Variants in IKBKG observed in about 807,000 individuals in gnomAD.
IKBKG encodes the protein NF-kappa-B essential modulator.
A neutral mutation model predicts 13.7 loss-of-function variants in IKBKG; 2 were observed. The observed-to-expected ratio is 0.15, with a 90% CI of 0.06 to 0.46. IKBKG has a LOEUF of 0.46. Among genes scored for constraint, IKBKG ranks in the 20% least tolerant of loss-of-function variants. The pLI is 0.98. For missense variants in IKBKG, 53 were observed against 150.3 expected, an observed-to-expected ratio of 0.35 and a Z score of 3.39; for synonymous variants, 22 against 64.4, an observed-to-expected ratio of 0.34 and a Z score of 3.15.
chrX:154,548,913 G>A (rs1013348330), intron 1 of IKBKG, among the ~76,000 whole-genome samples: 1 of 110,059 alleles, frequency 9.1e-6, no homozygotes, highest in African/African-American at 3.3e-5. Context: ...ACAATTGAAG[G>A]TATCAACTTC....
intron 1 of IKBKG, among the ~76,000 whole-genome samples, chrX:154,549,574 C>T (rs868966717): frequency 2.7e-5 from 3 of 111,846 alleles, no homozygotes; most frequent in Middle Eastern, 4.6e-3. Context: ...ACCACCATGC[C>T]TGGCCACCAC....
upstream of IKBKG, chrX:154,547,398 C>G: frequency 2.6e-6 from 2 of 755,126 alleles, no homozygotes; most frequent in Non-Finnish European, 3.1e-6. Flanking sequence ...GGCTAGACGC[C>G]GCCGTCCGAG....
In IKBKG at chrX:154,554,521, G is replaced by A. The variant is rs189428004; in HGVS notation, c.188-1644G>A. 1.4e-3 allele frequency among the ~76,000 whole-genome samples: 156 copies of A among 112,315 alleles called. 1 individual carries two copies. The highest frequency in any genetic ancestry group is 4.8e-3 in the African/African-American group (147 of 30,913). ...TGCCTGTAATCCGAGCACTTTGGGA[G>A]GCCCAGGCGGGGGGATCACCTGAGG... On this transcript the variant is annotated intron_variant, in intron 2 of 9. Transcript: ENST00000594239.
upstream of IKBKG, chrX:154,546,181 C>T (rs1557233235): frequency 5.0e-6 from 6 of 1,209,177 alleles, no homozygotes; most frequent in Non-Finnish European, 6.7e-6. Flanking sequence ...AAGAAAGGCT[C>T]GTTAACAAGG....
At chrX:154,546,849 G>A (rs782663603), upstream of IKBKG, 6 of 1,130,673 alleles carry the variant, frequency 5.3e-6, no homozygotes, top group South Asian at 1.0e-4. Context: ...CCGTTTCCGG[G>A]GGCTGAGCCC....
upstream of IKBKG, chrX:154,546,680 G>T (rs1268912810): frequency 7.7e-6 from 5 of 651,844 alleles, no homozygotes; most frequent in African/African-American, 1.1e-4. Flanking sequence ...AGACCCTCTC[G>T]ATTCTGCTCG....
chrX:154,551,440 C>T (rs2070929345), intron 1 of IKBKG, among the ~76,000 whole-genome samples: 1 of 111,188 alleles, frequency 9.0e-6, no homozygotes, highest in Non-Finnish European at 1.9e-5. Context: ...CCCCTTGCGT[C>T]TCCCTCTGGC....
chrX:154,544,410 T>G, upstream of IKBKG, among the ~76,000 whole-genome samples: 1 of 111,420 alleles, frequency 9.0e-6, no homozygotes, highest in Non-Finnish European at 1.9e-5. Flanking sequence ...TCTGCCCACC[T>G]TGGCCCCCCA....
upstream of IKBKG, among the ~76,000 whole-genome samples, chrX:154,543,135 C>A (rs1251663149): frequency 1.8e-5 from 2 of 111,775 alleles, no homozygotes; most frequent in African/African-American, 3.3e-5. Context: ...CCATCTCCCC[C>A]ACAGCAGGAA....
rs782039548 is a variant in IKBKG, at chrX:154,551,981, C to T, written c.-15-7C>T. 10 of 1,052,648 alleles carry T rather than the reference C, an allele frequency of 9.5e-6. No individual in the cohort carries two copies. The highest frequency in any genetic ancestry group is 6.7e-5 in the Admixed American group (2 of 29,747). 86.8% of individuals were successfully genotyped at this position (1,052,648 alleles called of 1,213,427 possible). A position where few individuals can be genotyped will look rare whatever the true frequency, so the allele number is the denominator to read the frequency against. ...CCTGTGACTCCCCTGCTGCCTTTCT[C>T]TTTCAGCCCTTGCCCTGTTGGATGA... On this transcript the variant is annotated splice_polypyrimidine_tract_variant and splice_region_variant and intron_variant, in intron 1 of 9. Transcript: ENST00000594239.
chrX:154,552,238 C>T (rs1557235263), intron 2 of IKBKG, 49 bp downstream of exon 2: 2 of 1,064,677 alleles, frequency 1.9e-6, no homozygotes, highest in Admixed American at 4.9e-5. Flanking sequence ...AAGGCGTCTT[C>T]TCCCCACCTG....
At chrX:154,546,294 C>T (rs2070712923), upstream of IKBKG, 2 of 903,260 alleles carry the variant, frequency 2.2e-6, no homozygotes, top group South Asian at 2.1e-5. Context: ...TCCTTGTGAA[C>T]GGCTGGGCAT....
chrX:154,550,950 C>T (rs1187846702), intron 1 of IKBKG, among the ~76,000 whole-genome samples: 1 of 110,222 alleles, frequency 9.1e-6, no homozygotes, highest in Admixed American at 9.6e-5. Context: ...GTAGCTGGGG[C>T]TACAGGCGCC....
At chrX:154,541,714 G>T (rs782731972) in intron 1 of IKBKG, among the ~76,000 whole-genome samples, 1 of 112,456 alleles carries the variant, frequency 8.9e-6, no homozygotes, top group Admixed American at 9.4e-5. Flanking sequence ...GGAGGGATCT[G>T]CCCAAGGACA....
At chrX:154,542,580 G>A, upstream of IKBKG, 9 of 895,791 alleles carry the variant, frequency 1.0e-5, no homozygotes, top group Non-Finnish European at 1.3e-5. Flanking sequence ...CAAGTGTGAG[G>A]TAAGCTGGCC....
intron 1 of IKBKG, among the ~76,000 whole-genome samples, chrX:154,541,931 C>A (rs1161398477): frequency 8.9e-6 from 1 of 112,325 alleles, no homozygotes; most frequent in Non-Finnish European, 1.9e-5. Context: ...CCAAGGGTCA[C>A]TGGGGTTAAG....
upstream of IKBKG, chrX:154,547,556 G>A: frequency 6.6e-6 from 5 of 754,976 alleles, no homozygotes; most frequent in Non-Finnish European, 7.8e-6. Context: ...ACTTCTCGCC[G>A]GCTTCCCGAG....
chrX:154,547,453 C>A, upstream of IKBKG: 1 of 755,174 alleles, frequency 1.3e-6, no homozygotes, highest in Non-Finnish European at 1.6e-6. Context: ...AAGTGGCCGG[C>A]GTGCTTATCA....
chrX:154,542,068 C>A (rs1050675519), intron 1 of IKBKG, among the ~76,000 whole-genome samples: 5 of 112,448 alleles, frequency 4.4e-5, no homozygotes, highest in African/African-American at 1.6e-4. Context: ...AAAAGGGCCT[C>A]CCTGCTATAC....
Sources: allele counts gnomAD v4.1 joint callset (sites outside exome capture counted in the v4.1 genomes callset), GRCh38; gene constraint gnomAD v4.1.1; transcripts MANE v1.5; gene names NCBI Gene and HGNC (gene_info 2026-07-23, HGNC 2026-07-21).